Variants in GABRG1 observed in about 807,000 individuals in gnomAD.
GABRG1 encodes the protein gamma-aminobutyric acid receptor subunit gamma-1.
GABRG1 carries 49 observed loss-of-function variants against 49.8 expected under a neutral mutation model. The ratio of observed to expected loss-of-function variants is 0.98; its 90% CI spans 0.78 to 1.25. The LOEUF is 1.25. Ranked by LOEUF, GABRG1 falls within the 50% of genes most tolerant of loss-of-function variation. GABRG1 has a pLI of 0.00. For synonymous variants in GABRG1, 232 were observed against 185.1 expected, an observed-to-expected ratio of 1.25 and a Z score of -2.06; for missense variants, 552 against 552.3, an observed-to-expected ratio of 1.00 and a Z score of 0.01.
At chr4:46,108,131 T>C (rs1162415815) in intron 1 of GABRG1, among the ~76,000 whole-genome samples, 16 of 151,160 alleles carry the variant, frequency 1.1e-4, no homozygotes, top group Non-Finnish European at 2.4e-4. Flanking sequence ...ATGATGGTAA[T>C]AAGTATGGAA....
chr4:46,120,425 T>C (rs929069333), intron 1 of GABRG1, among the ~76,000 whole-genome samples: 2 of 151,754 alleles, frequency 1.3e-5, no homozygotes, highest in East Asian at 3.9e-4. Flanking sequence ...CTTCATAGTA[T>C]AGAATGGAAG....
chr4:46,123,996 A>G lies in GABRG1; in HGVS notation c.-83T>C. On this transcript the variant is annotated 5_prime_UTR_variant, in exon 1 of 9. Transcript: ENST00000295452. ...CTCCCACCTCAGCAGCAGCTGGCTG[A>G]GTACAGAAGGGAGAGTGTGGAAAGG... The G allele has an allele frequency of 1.0e-6, 1 of 1,000,818 alleles. No homozygotes were observed. The highest frequency in any genetic ancestry group is 1.6e-6 in the Non-Finnish European group (1 of 642,500). The allele number at this position is 1,000,818 out of a possible 1,614,324, so 62.0% of individuals were successfully genotyped here.
Position 46,035,798 on chromosome 4 carries a change from C to G in GABRG1, c.*5190G>C, listed in dbSNP as rs1043022969. On this transcript the variant is annotated 3_prime_UTR_variant, in exon 9 of 9. Transcript: ENST00000295452. Reference sequence around the variant, plus strand: ...AGAGAATGTGACTCTTTATTTATAACAAGTTACTGGTATTTTTTTTGTTCT... The same window carrying G: ...AGAGAATGTGACTCTTTATTTATAAGAAGTTACTGGTATTTTTTTTGTTCT... The G allele has an allele frequency of 3.3e-5, 5 of 151,858 alleles. No individual in the cohort carries two copies. The highest frequency in any genetic ancestry group is 7.4e-5 in the Non-Finnish European group (5 of 67,870). 9.4% of individuals were successfully genotyped at this position (151,858 alleles called of 1,614,324 possible).
chr4:46,077,341 A>G (rs1577650920), intron 3 of GABRG1, among the ~76,000 whole-genome samples: 1 of 152,138 alleles, frequency 6.6e-6, no homozygotes, highest in South Asian at 2.1e-4. Flanking sequence ...ATGACATAGT[A>G]TAACACATAG....
intron 2 of GABRG1, among the ~76,000 whole-genome samples, chr4:46,086,495 T>G (rs1719758234): frequency 6.6e-6 from 1 of 151,546 alleles, no homozygotes; most frequent in Non-Finnish European, 1.5e-5. Context: ...ATTATGTAGC[T>G]TTTTGGTCAC....
chr4:46,119,124 C>T (rs547879680), intron 1 of GABRG1, among the ~76,000 whole-genome samples: 4 of 150,432 alleles, frequency 2.7e-5, no homozygotes, highest in Admixed American at 6.7e-5. Context: ...TGTTTGTCTG[C>T]GTCAAGTACT....
In GABRG1 at chr4:46,036,038, G is replaced by A. The variant is rs185595405; in HGVS notation, c.*4950C>T. 7.2e-5 allele frequency: 11 copies of A among 151,972 alleles called. No homozygotes were observed. In the East Asian group the frequency reaches 1.7e-3, roughly 24 times the overall value. 9.4% of individuals were successfully genotyped at this position (151,972 alleles called of 1,614,324 possible). On this transcript the variant is annotated 3_prime_UTR_variant, in exon 9 of 9. Transcript: ENST00000295452. Reference sequence around the variant, plus strand: ...TGAAAACCAAACTATTTCCATTTAGGTAAATCATGTCTCAAAAGTCTTCTA... The same window carrying A: ...TGAAAACCAAACTATTTCCATTTAGATAAATCATGTCTCAAAAGTCTTCTA...
chr4:46,045,422 C>G lies in GABRG1; in HGVS notation c.1132-4168G>C, dbSNP rs578083602. ...ACCTAAGAAGTCAAAAATCTAACTA[C>G]CAGTAGTTTCCAAGGAGAAAATAGA... On this transcript the variant is annotated intron_variant, in intron 8 of 8. Coordinates refer to ENST00000295452, the MANE Select transcript of GABRG1 (RefSeq NM_173536.4). 1.5e-4 allele frequency among the ~76,000 whole-genome samples: 23 copies of G among 151,900 alleles called. 1 individual carries two copies. The South Asian group carries it at 4.6e-3, about 30-fold the overall frequency.
At chr4:46,076,404 T>TATAC (rs1281703724) in intron 3 of GABRG1, among the ~76,000 whole-genome samples, 10 of 134,546 alleles carry the variant, frequency 7.4e-5, no homozygotes, top group Non-Finnish European at 1.3e-4. Context: ...TATATATATA[T>TATAC]GCTAAATTAC....
intron 3 of GABRG1, among the ~76,000 whole-genome samples, chr4:46,078,506 G>C (rs1719442842): frequency 6.6e-6 from 1 of 151,926 alleles, no homozygotes; most frequent in South Asian, 2.1e-4. Flanking sequence ...GAGAAAAAGA[G>C]AGGGTGAGAA....
intron 1 of GABRG1, among the ~76,000 whole-genome samples, chr4:46,118,361 T>C (rs544258617): frequency 1.3e-5 from 2 of 150,512 alleles, no homozygotes; most frequent in South Asian, 4.2e-4. Context: ...CATACAATAT[T>C]TTCCCAGAGT....
intron 8 of GABRG1, among the ~76,000 whole-genome samples, chr4:46,050,105 T>C (rs1256601116): frequency 6.6e-6 from 1 of 151,948 alleles, no homozygotes; most frequent in East Asian, 1.9e-4. Context: ...TAGAAAGCAT[T>C]CATTTTTCTT....
intron 1 of GABRG1, among the ~76,000 whole-genome samples, chr4:46,114,859 T>A (rs192741510): frequency 5.2e-4 from 79 of 150,972 alleles, no homozygotes; most frequent in South Asian, 1.5e-3. Context: ...AAAACCTTAC[T>A]CATTTGACAA....
At chr4:46,052,289 T>G (rs1468020553) in intron 7 of GABRG1, among the ~76,000 whole-genome samples, 1 of 151,770 alleles carries the variant, frequency 6.6e-6, no homozygotes, top group Non-Finnish European at 1.5e-5. Context: ...TTCTTCTATC[T>G]AATTGAAGTG....
At chr4:46,080,868 C>T (rs1387186218) in intron 3 of GABRG1, among the ~76,000 whole-genome samples, 1 of 151,824 alleles carries the variant, frequency 6.6e-6, no homozygotes, top group Admixed American at 6.6e-5. Flanking sequence ...CATTACAATA[C>T]TCCACTAAAG....
At chr4:46,104,344 C>A (rs994705033) in intron 1 of GABRG1, among the ~76,000 whole-genome samples, 3 of 151,454 alleles carry the variant, frequency 2.0e-5, no homozygotes, top group African/African-American at 7.3e-5. Flanking sequence ...GTTTAAGAAA[C>A]AAAACGCTCT....
At chr4:46,101,932 C>T (rs58872864) in intron 1 of GABRG1, among the ~76,000 whole-genome samples, 3,939 of 151,604 alleles carry the variant, frequency 0.026, 63 homozygotes, top group African/African-American at 0.042. Flanking sequence ...AATGTATACA[C>T]TCAACATTCT....
chr4:46,123,101 AACACACACACACACAC>A (rs34086673), intron 1 of GABRG1, among the ~76,000 whole-genome samples: 139 of 129,578 alleles, frequency 1.1e-3, no homozygotes, highest in African/African-American at 3.5e-3. Flanking sequence ...CATACACACA[AACACACACACACACAC>A]ACACACACAC....
At chr4:46,075,732 A>G (rs1208850944) in intron 3 of GABRG1, among the ~76,000 whole-genome samples, 1 of 152,126 alleles carries the variant, frequency 6.6e-6, no homozygotes, top group Non-Finnish European at 1.5e-5. Flanking sequence ...TCCTTGCTAT[A>G]TAAAGAAAAT....
Sources: gnomAD v4.1 joint callset for allele counts (sites outside exome capture counted in the v4.1 genomes callset) on GRCh38, gnomAD v4.1.1 for gene constraint, MANE v1.5 for transcripts, NCBI Gene and HGNC (gene_info 2026-07-23, HGNC 2026-07-21) for gene names.